DLC1: variants seen among roughly 807,000 people sequenced by gnomAD.
DLC1 encodes rho GTPase-activating protein 7.
DLC1 carries 54 observed loss-of-function variants against 140.3 expected under a neutral mutation model. The observed-to-expected ratio is 0.38, with a 90% CI of 0.31 to 0.48. The LOEUF is 0.48. Ranked by LOEUF, DLC1 falls within the 20% of genes least tolerant of loss-of-function variation. DLC1 has a pLI of 0.96. For synonymous variants in DLC1, 986 were observed against 728.1 expected, an observed-to-expected ratio of 1.35 and a Z score of -5.70; for missense variants, 2,536 against 1,907.0, an observed-to-expected ratio of 1.33 and a Z score of -6.14.
intron 3 of DLC1, among the ~76,000 whole-genome samples, chr8:13,400,050 G>T (rs547546758): frequency 3.6e-4 from 55 of 152,246 alleles, no homozygotes; most frequent in African/African-American, 1.3e-3. Flanking sequence ...GGAGTGGAAA[G>T]TTCTGTGGAA....
intron 5 of DLC1, among the ~76,000 whole-genome samples, chr8:13,287,389 T>G (rs1184748187): frequency 6.6e-6 from 1 of 152,250 alleles, no homozygotes; most frequent in Non-Finnish European, 1.5e-5. Context: ...AATTTTATTT[T>G]TCTAATACTT....
chr8:13,103,911 A>G (rs1819330168), intron 7 of DLC1, among the ~76,000 whole-genome samples: 1 of 152,134 alleles, frequency 6.6e-6, no homozygotes, highest in Admixed American at 6.6e-5. Flanking sequence ...AAATAGAAAC[A>G]GCAAAACAGC....
chr8:13,297,247 C>A (rs1173045653), intron 5 of DLC1, among the ~76,000 whole-genome samples: 3 of 82,718 alleles, frequency 3.6e-5, no homozygotes, highest in Non-Finnish European at 4.6e-5. Context: ...ATTCTTTCCT[C>A]ATAAAGAAGC....
intron 2 of DLC1, among the ~76,000 whole-genome samples, chr8:13,464,279 C>T (rs953810281): frequency 1.3e-5 from 2 of 152,124 alleles, no homozygotes; most frequent in Non-Finnish European, 2.9e-5. Context: ...AGTAGCTACT[C>T]TTTATTTCTT....
chr8:13,229,577 T>C, intron 5 of DLC1, among the ~76,000 whole-genome samples: 1 of 151,992 alleles, frequency 6.6e-6, no homozygotes, highest in Non-Finnish European at 1.5e-5. Context: ...GTGAACTTTT[T>C]AGTATATAAA....
At chr8:13,409,394 T>G (rs1837693472) in intron 2 of DLC1, among the ~76,000 whole-genome samples, 2 of 152,110 alleles carry the variant, frequency 1.3e-5, no homozygotes, top group African/African-American at 4.8e-5. Flanking sequence ...TATGTCATCC[T>G]CTCCCTCATT....
At chr8:13,287,712 G>A (rs1831583176) in intron 5 of DLC1, among the ~76,000 whole-genome samples, 3 of 152,168 alleles carry the variant, frequency 2.0e-5, no homozygotes, top group Non-Finnish European at 2.9e-5. Context: ...TGTGCACATT[G>A]AGTGGTTCAC....
chr8:13,285,829 G>T (rs891082445), intron 5 of DLC1, among the ~76,000 whole-genome samples: 2 of 152,008 alleles, frequency 1.3e-5, no homozygotes, highest in Admixed American at 1.3e-4. Flanking sequence ...TTGTACAAAC[G>T]CCTTTTTCCA....
At chr8:13,349,428 A>C (rs1331577000) in intron 4 of DLC1, among the ~76,000 whole-genome samples, 1 of 152,200 alleles carries the variant, frequency 6.6e-6, no homozygotes, top group African/African-American at 2.4e-5. Context: ...ATAAAGTAAA[A>C]AATGGAAGCA....
At chr8:13,206,546 A>C (rs1213780096) in intron 5 of DLC1, among the ~76,000 whole-genome samples, 1 of 152,166 alleles carries the variant, frequency 6.6e-6, no homozygotes, top group African/African-American at 2.4e-5. Context: ...GGCTCGTTTA[A>C]CAAATATAAT....
intron 5 of DLC1, among the ~76,000 whole-genome samples, chr8:13,213,909 GA>G (rs764615281): frequency 6.6e-6 from 1 of 151,762 alleles, no homozygotes; most frequent in Non-Finnish European, 1.5e-5. Context: ...TCAGCCTCCT[GA>G]ATAGCTGGGA....
In DLC1 at chr8:13,371,514, A is replaced by G. The variant is rs114290803; in HGVS notation, c.1314+22039T>C. Among the ~76,000 whole-genome samples, 630 of 151,574 alleles carry G rather than the reference A, an allele frequency of 4.2e-3. 1 individual carries two copies. Among genetic ancestry groups the G allele is most frequent in the African/African-American group, 0.015 (608 of 41,276 alleles). On this transcript the variant is annotated intron_variant, in intron 4 of 17. Coordinates refer to ENST00000276297, the MANE Select transcript of DLC1 (RefSeq NM_182643.3). ...CATGTAAGTCCATGTACCTTTGACA[A>G]TTGGAGCCAACTGCTAGTCCTCAAA... is the stretch of plus-strand genomic sequence containing the variant.
chr8:13,480,142 G>A (rs966799074), intron 2 of DLC1, among the ~76,000 whole-genome samples: 1 of 152,080 alleles, frequency 6.6e-6, no homozygotes. Context: ...TAAAATACTG[G>A]GTCACAGGAG....
At chr8:13,535,249 G>C (rs546710634) in intron 1 of DLC1, among the ~76,000 whole-genome samples, 2 of 151,750 alleles carry the variant, frequency 1.3e-5, no homozygotes, top group South Asian at 2.1e-4. Flanking sequence ...CTGTGGGTGC[G>C]AGTGTGTGTG....
chr8:13,276,223 C>T, intron 5 of DLC1: 2 of 1,532,194 alleles, frequency 1.3e-6, no homozygotes, highest in Non-Finnish European at 1.7e-6. Flanking sequence ...CTTTTTAATA[C>T]CCCTCACCCC....
intron 2 of DLC1, among the ~76,000 whole-genome samples, chr8:13,403,807 G>GTTTTTTTTTTTTTTTTTT (rs369715973): frequency 1.1e-5 from 1 of 87,296 alleles, no homozygotes; most frequent in Non-Finnish European, 2.1e-5. Context: ...AGGTCTGGCT[G>GTTTTTTTTTTTTTTTTTT]TTTTTTTTTT....
intron 2 of DLC1, among the ~76,000 whole-genome samples, chr8:13,450,479 C>T (rs1262065538): frequency 5.5e-5 from 7 of 127,654 alleles, no homozygotes; most frequent in East Asian, 4.4e-4. Context: ...AAAAAAAGGC[C>T]GAAGAGAAAT....
chr8:13,150,553 C>T (rs935527523), intron 5 of DLC1, among the ~76,000 whole-genome samples: 12 of 152,172 alleles, frequency 7.9e-5, no homozygotes, highest in African/African-American at 2.7e-4. Context: ...AACACAGAAG[C>T]CTGCGATGGC....
intron 5 of DLC1, among the ~76,000 whole-genome samples, chr8:13,253,484 G>T (rs780731718): frequency 2.0e-5 from 3 of 152,040 alleles, no homozygotes. Context: ...ATGTGCATAG[G>T]TGTATGCACA....
Sources: allele counts gnomAD v4.1 joint callset (sites outside exome capture counted in the v4.1 genomes callset), GRCh38; gene constraint gnomAD v4.1.1; transcripts MANE v1.5; gene names NCBI Gene and HGNC (gene_info 2026-07-23, HGNC 2026-07-21).